The following ANXA2 variants were observed in gnomAD, a reference collection of about 807,000 sequenced individuals.
ANXA2 encodes annexin II.
ANXA2 carries 28 observed loss-of-function variants against 47.3 expected under a neutral mutation model. The ratio of observed to expected loss-of-function variants is 0.59; its 90% CI spans 0.44 to 0.81. The LOEUF (loss-of-function observed/expected upper bound fraction) is 0.81. ANXA2 is among the 40% of genes least tolerant of loss of function. The probability of loss-of-function intolerance (pLI) is 0.00; values close to 1 mark genes in which losing one functional copy is unlikely to be tolerated. For synonymous variants in ANXA2, 172 were observed against 155.5 expected (o/e 1.11, Z -0.79); for missense variants, 384 against 414.3 (o/e 0.93, Z 0.64).
intron 3 of ANXA2, among the ~76,000 whole-genome samples, chr15:60,381,200 C>T (rs1159363190): frequency 1.3e-5 from 2 of 152,132 alleles, no homozygotes; most frequent in African/African-American, 4.8e-5. Flanking sequence ...AGTCTTTCAA[C>T]GAACCGTATG....
chr15:60,364,415 G>T lies in ANXA2; in HGVS notation c.243+14C>A. 1 of 1,601,868 alleles carries T rather than the reference G, an allele frequency of 6.2e-7. No individual in the cohort carries two copies. Among genetic ancestry groups the T allele is most frequent in the African/African-American group, 1.3e-5 (1 of 74,470 alleles). On this transcript the variant is annotated intron_variant, in intron 4 of 12. Transcript: ENST00000451270. ...TCAACAAGAAATGCCCTCCATCCCTGGAATTGCCTGTACCTTTTTGGTCCT... is the reference window on the plus strand; with the variant it reads ...TCAACAAGAAATGCCCTCCATCCCTTGAATTGCCTGTACCTTTTTGGTCCT...
chr15:60,375,598 A>G (rs928774986), intron 3 of ANXA2, among the ~76,000 whole-genome samples: 1 of 152,230 alleles, frequency 6.6e-6, no homozygotes, highest in Non-Finnish European at 1.5e-5. Context: ...TTAATTAAGC[A>G]GTATTACTAC....
intron 3 of ANXA2, among the ~76,000 whole-genome samples, chr15:60,370,084 G>C (rs2062692207): frequency 6.6e-6 from 1 of 152,120 alleles, no homozygotes; most frequent in African/African-American, 2.4e-5. Flanking sequence ...TCTTACCTAG[G>C]AGGCAGCAAC....
intron 3 of ANXA2, among the ~76,000 whole-genome samples, chr15:60,366,001 G>A (rs1283299761): frequency 7.1e-5 from 10 of 141,610 alleles, no homozygotes; most frequent in Non-Finnish European, 1.1e-4. Flanking sequence ...GGCGCGCGCC[G>A]CCACGCCTGA....
intron 2 of ANXA2, chr15:60,383,203 T>G (rs1187346624): frequency 2.0e-5 from 3 of 152,390 alleles, no homozygotes; most frequent in Non-Finnish European, 4.4e-5. Context: ...CATGGCTCAG[T>G]GCAGCCTCAA....
chr15:60,378,372 GCAGA>G (rs1260501762), intron 3 of ANXA2, among the ~76,000 whole-genome samples: 1 of 152,072 alleles, frequency 6.6e-6, no homozygotes, highest in African/African-American at 2.4e-5. Flanking sequence ...TCTACATTCT[GCAGA>G]CATTCTATGT....
chr15:60,388,728 C>G (rs1034129510), intron 1 of ANXA2, among the ~76,000 whole-genome samples: 1 of 150,802 alleles, frequency 6.6e-6, no homozygotes, highest in Non-Finnish European at 1.5e-5. Flanking sequence ...AGCCACCACA[C>G]CTAGACCTTT....
intron 12 of ANXA2, among the ~76,000 whole-genome samples, chr15:60,348,013 C>G (rs1403085973): frequency 1.3e-5 from 2 of 152,156 alleles, no homozygotes; most frequent in Non-Finnish European, 2.9e-5. Context: ...CTACAAACAC[C>G]CTAACTTTCC....
At chr15:60,371,006 A>G (rs934628672) in intron 3 of ANXA2, among the ~76,000 whole-genome samples, 1 of 152,192 alleles carries the variant, frequency 6.6e-6, no homozygotes, top group Non-Finnish European at 1.5e-5. Flanking sequence ...GAGAACATGA[A>G]TTCTGTGATC....
At chr15:60,375,217 C>A (rs1431851694) in intron 3 of ANXA2, among the ~76,000 whole-genome samples, 1 of 152,140 alleles carries the variant, frequency 6.6e-6, no homozygotes, top group African/African-American at 2.4e-5. Context: ...TGCTTCTATA[C>A]TTGCGCTTCT....
At chr15:60,397,831 CTCCGGGGCCAGTT>C in intron 1 of ANXA2, 99 bp downstream of exon 1, 3 of 1,377,898 alleles carry the variant, frequency 2.2e-6, no homozygotes, top group Non-Finnish European at 2.8e-6. Context: ...CCCCGACGGC[CTCCGGGGCCAGTT>C]GCCGGGGCCT....
chr15:60,396,218 G>C (rs943382201), intron 1 of ANXA2: 2 of 152,150 alleles, frequency 1.3e-5, no homozygotes, highest in Admixed American at 6.5e-5. Flanking sequence ...ACCACGCCCA[G>C]TATCGTTGTT....
At chr15:60,357,750 C>T (rs1344358584) in intron 5 of ANXA2, among the ~76,000 whole-genome samples, 4 of 151,024 alleles carry the variant, frequency 2.6e-5, no homozygotes, top group African/African-American at 9.8e-5. Context: ...GCCGAGATCG[C>T]GCCACTGCAC....
chr15:60,351,432 G>A (rs1013612833), intron 10 of ANXA2, 181 bp from the exon 11 acceptor site: 6 of 674,268 alleles, frequency 8.9e-6, no homozygotes, highest in East Asian at 2.7e-5. Flanking sequence ...GTTCCACCAC[G>A]GTTTTAAACC....
At chr15:60,385,965 T>G in intron 2 of ANXA2, 63 bp downstream of exon 2, 1 of 1,095,542 alleles carries the variant, frequency 9.1e-7, no homozygotes, top group Non-Finnish European at 1.4e-6. Flanking sequence ...TAGAGAGTAA[T>G]ATGGTTATCC....
intron 12 of ANXA2, among the ~76,000 whole-genome samples, chr15:60,348,845 T>C (rs1415481026): frequency 6.6e-6 from 1 of 152,074 alleles, no homozygotes; most frequent in Admixed American, 6.5e-5. Context: ...ATGATCATTG[T>C]AGAGTAACAG....
At chr15:60,380,271 C>A (rs2062837857) in intron 3 of ANXA2, among the ~76,000 whole-genome samples, 1 of 151,958 alleles carries the variant, frequency 6.6e-6, no homozygotes, top group African/African-American at 2.4e-5. Context: ...GATTAGCACC[C>A]CTTTATAGGC....
At chr15:60,388,262 A>C (rs189355635) in intron 1 of ANXA2, among the ~76,000 whole-genome samples, 42 of 152,204 alleles carry the variant, frequency 2.8e-4, no homozygotes, top group Non-Finnish European at 5.9e-4. Context: ...CACCAGCCTC[A>C]TGTGGCTACA....
Position 60,357,083 on chromosome 15 carries a change from T to C in ANXA2, c.448+63A>G, listed in dbSNP as rs975644328. The C allele has an allele frequency of 3.4e-6, 5 of 1,468,886 alleles. No individual in the cohort carries two copies. The South Asian group carries it at 5.7e-5, about 17-fold the overall frequency. 91.0% of individuals were successfully genotyped at this position (1,468,886 alleles called of 1,614,324 possible). On this transcript the variant is annotated intron_variant, in intron 6 of 12. Transcript: ENST00000451270. ...ATCTTAGCCCGAACCCTAACCCCAG[T>C]GGCCATGATAGAGTCACATAAATTG...
Sources: gnomAD v4.1 joint callset for allele counts (sites outside exome capture counted in the v4.1 genomes callset) on GRCh38, gnomAD v4.1.1 for gene constraint, MANE v1.5 for transcripts, NCBI Gene and HGNC (gene_info 2026-07-23, HGNC 2026-07-21) for gene names.